Variants in COPE observed in about 807,000 individuals in gnomAD.
COPE encodes coatomer subunit epsilon.
In COPE, 19 loss-of-function variants were observed where a neutral mutation model predicts 42.1. That is an observed-to-expected ratio of 0.45 (90% CI 0.31 to 0.66). The LOEUF is 0.66. Ranked by LOEUF, COPE falls within the 30% of genes least tolerant of loss-of-function variation. COPE has a pLI of 0.05. For synonymous variants in COPE, 195 were observed against 181.3 expected, an observed-to-expected ratio of 1.08 and a Z score of -0.60; for missense variants, 402 against 416.1, an observed-to-expected ratio of 0.97 and a Z score of 0.30.
intron 3 of COPE, 34 bp from the exon 4 acceptor site, chr19:18,907,146 G>T: frequency 6.3e-7 from 1 of 1,599,528 alleles, no homozygotes. Context: ...CCCACAGCTG[G>T]GGTGGCCTCT....
intron 1 of COPE, among the ~76,000 whole-genome samples, chr19:18,918,200 AAAAG>A (rs1269157559): frequency 9.8e-5 from 13 of 133,082 alleles, no homozygotes; most frequent in South Asian, 2.3e-4. Flanking sequence ...AAAAAAAAAA[AAAAG>A]AAAAGAAAAG....
At chr19:18,917,730 CAGAG>C (rs1226775040) in intron 1 of COPE, among the ~76,000 whole-genome samples, 2 of 152,072 alleles carry the variant, frequency 1.3e-5, no homozygotes, top group African/African-American at 4.8e-5. Context: ...ACAGCTCGGA[CAGAG>C]AGAGAGTGGG....
In COPE at chr19:18,919,202, CGCGCCCCT is replaced by C. The variant is rs1568325847; in HGVS notation, c.126+13_126+20del. 1.3e-6 allele frequency: 2 copies of C among 1,597,730 alleles called. No homozygotes were observed. Among genetic ancestry groups the C allele is most frequent in the Admixed American group, 1.7e-5 (1 of 58,608 alleles). On this transcript the variant is annotated intron_variant, in intron 1 of 9. Coordinates refer to ENST00000262812, the MANE Select transcript of COPE (RefSeq NM_007263.4). ...CCTCCGCCTCCGCCCCCAGCGTCCC[CGCGCCCCT>C]GCGCGGCCGCACCTTCACCCGCTGC...
At chr19:18,915,085 G>T (rs1228745668) in intron 1 of COPE, among the ~76,000 whole-genome samples, 1 of 152,172 alleles carries the variant, frequency 6.6e-6, no homozygotes, top group Middle Eastern at 3.2e-3. Flanking sequence ...GCATGCACCT[G>T]TAGTCCCAGC....
chr19:18,913,812 G>A (rs1284187282), intron 1 of COPE, among the ~76,000 whole-genome samples: 1 of 152,214 alleles, frequency 6.6e-6, no homozygotes, highest in Non-Finnish European at 1.5e-5. Flanking sequence ...TCTAAACAGA[G>A]GGGACTGAGA....
chr19:18,902,696 GGAAA>G (rs1327158079), intron 7 of COPE, among the ~76,000 whole-genome samples: 1 of 51,594 alleles, frequency 1.9e-5, no homozygotes, highest in Non-Finnish European at 3.5e-5. Context: ...AGGAAAGGAA[GGAAA>G]GGAAGGAAAG....
At chr19:18,915,046 A>G (rs1234138588) in intron 1 of COPE, among the ~76,000 whole-genome samples, 4 of 151,958 alleles carry the variant, frequency 2.6e-5, no homozygotes, top group African/African-American at 4.8e-5. Context: ...TGTCCATAAA[A>G]AAATTATAAA....
intron 5 of COPE, among the ~76,000 whole-genome samples, 174 bp from the exon 6 acceptor site, chr19:18,905,026 C>T (rs74936637): frequency 5.3e-5 from 8 of 152,332 alleles, no homozygotes; most frequent in East Asian, 1.9e-4. Context: ...CGTCTGACCA[C>T]GTGCAGGCCC....
chr19:18,915,378 G>A (rs2056845762), intron 1 of COPE, among the ~76,000 whole-genome samples: 1 of 152,226 alleles, frequency 6.6e-6, no homozygotes, highest in African/African-American at 2.4e-5. Context: ...AGAGTGCACT[G>A]GAGAGACAAG....
chr19:18,901,015 CT>C (rs1040893641), intron 7 of COPE, among the ~76,000 whole-genome samples: 6 of 152,214 alleles, frequency 3.9e-5, no homozygotes, highest in Admixed American at 2.0e-4. Context: ...GGCAGGGCAC[CT>C]TTTTGCAGAC....
chr19:18,913,093 C>T (rs2056825849), intron 1 of COPE, 47 bp from the exon 2 acceptor site: 1 of 1,537,742 alleles, frequency 6.5e-7, no homozygotes, highest in African/African-American at 1.4e-5. Context: ...AGGCCCAGCG[C>T]AGCCCACACA....
At chr19:18,903,730 AC>A (rs1330267511) in intron 6 of COPE, among the ~76,000 whole-genome samples, 1 of 152,110 alleles carries the variant, frequency 6.6e-6, no homozygotes, top group Non-Finnish European at 1.5e-5. Context: ...CTGAGTGGGG[AC>A]CACTGGGTCA....
chr19:18,910,626 C>T (rs1362819126), intron 3 of COPE: 3 of 253,956 alleles, frequency 1.2e-5, no homozygotes, highest in East Asian at 1.5e-4. Flanking sequence ...GCCCTGCCCC[C>T]GCTGCGCCCT....
intron 2 of COPE, among the ~76,000 whole-genome samples, chr19:18,912,659 A>T (rs1254091408): frequency 6.6e-6 from 1 of 151,324 alleles, no homozygotes; most frequent in Non-Finnish European, 1.5e-5. Flanking sequence ...TGGGAGGCTG[A>T]GACAGGAGAA....
At chr19:18,907,961 G>A (rs2056776269) in intron 3 of COPE, among the ~76,000 whole-genome samples, 1 of 152,178 alleles carries the variant, frequency 6.6e-6, no homozygotes, top group Non-Finnish European at 1.5e-5. Context: ...AGTGACTTCA[G>A]GTCTGAGTCT....
At chr19:18,916,088 G>A (rs767255690) in intron 1 of COPE, among the ~76,000 whole-genome samples, 6 of 152,212 alleles carry the variant, frequency 3.9e-5, no homozygotes, top group Non-Finnish European at 5.9e-5. Flanking sequence ...GGGAGGCTGA[G>A]GCAGGAGAAT....
At chr19:18,913,503 C>T (rs2056829280) in intron 1 of COPE, among the ~76,000 whole-genome samples, 1 of 152,248 alleles carries the variant, frequency 6.6e-6, no homozygotes, top group Non-Finnish European at 1.5e-5. Flanking sequence ...CCCCACAGCC[C>T]AGCCATTGCA....
chr19:18,904,953 G>GC, intron 5 of COPE, 101 bp from the exon 6 acceptor site: 1 of 1,207,054 alleles, frequency 8.3e-7, no homozygotes, highest in Non-Finnish European at 1.2e-6. Context: ...CCTGGGGATG[G>GC]CCCCTGCTTT....
chr19:18,905,255 GC>G (rs2056747879), intron 5 of COPE, among the ~76,000 whole-genome samples: 1 of 152,186 alleles, frequency 6.6e-6, no homozygotes, highest in African/African-American at 2.4e-5. Flanking sequence ...GGCCCCGCCA[GC>G]CCCACGGCAC....
Sources: allele counts gnomAD v4.1 joint callset (sites outside exome capture counted in the v4.1 genomes callset), GRCh38; gene constraint gnomAD v4.1.1; transcripts MANE v1.5; gene names NCBI Gene and HGNC (gene_info 2026-07-23, HGNC 2026-07-21).